Variants in KHDRBS2 observed in about 807,000 individuals in gnomAD.
The protein encoded by KHDRBS2 is KH domain-containing, RNA-binding, signal transduction-associated protein 2.
Under a neutral mutation model 44.3 loss-of-function variants are expected in KHDRBS2, and 26 were observed. The ratio of observed to expected loss-of-function variants is 0.59; its 90% CI spans 0.43 to 0.81. The LOEUF is 0.81. Ranked by LOEUF, KHDRBS2 falls within the 40% of genes least tolerant of loss-of-function variation. The probability of loss-of-function intolerance (pLI) is 0.00; values close to 1 mark genes in which losing one functional copy is unlikely to be tolerated. For synonymous variants in KHDRBS2, 194 were observed against 151.1 expected (o/e 1.28, Z -2.08); for missense variants, 476 against 433.1 (o/e 1.10, Z -0.88).
At chr6:62,124,060 T>C (rs889624093) in intron 2 of KHDRBS2, among the ~76,000 whole-genome samples, 7 of 152,184 alleles carry the variant, frequency 4.6e-5, no homozygotes, top group Non-Finnish European at 8.8e-5. Flanking sequence ...AACTTCAAAA[T>C]TGCTAAATTT....
At chr6:61,785,178 C>CA (rs988815240) in intron 6 of KHDRBS2, among the ~76,000 whole-genome samples, 185 of 148,336 alleles carry the variant, frequency 1.2e-3, no homozygotes, top group African/African-American at 2.7e-3. Context: ...ACAACAACAA[C>CA]AAAAAAAAAC....
rs556948262 is a variant in KHDRBS2, at chr6:62,010,827, A to G, written c.337-32615T>C. Among the ~76,000 whole-genome samples, 4 of 152,264 alleles carry G rather than the reference A, an allele frequency of 2.6e-5. No homozygotes were observed. The South Asian group carries it at 6.2e-4, about 24-fold the overall frequency. On this transcript the variant is annotated intron_variant, in intron 3 of 8. Coordinates refer to ENST00000281156, the MANE Select transcript of KHDRBS2 (RefSeq NM_152688.4). ...TGAAACCTGCTTTTTTAAACTGTTA[A>G]TTACCCAATTCCTATCCAAAATGTT...
intron 6 of KHDRBS2, among the ~76,000 whole-genome samples, chr6:61,875,185 G>T (rs1013744001): frequency 1.3e-5 from 2 of 151,686 alleles, no homozygotes; most frequent in African/African-American, 4.8e-5. Context: ...CGTGGTGGGG[G>T]CAGGGAGGGA....
chr6:61,980,949 C>G (rs114982863), intron 3 of KHDRBS2, among the ~76,000 whole-genome samples: 1 of 152,174 alleles, frequency 6.6e-6, no homozygotes, highest in Non-Finnish European at 1.5e-5. Flanking sequence ...TAAAACCTCA[C>G]GTCAGAGTGA....
intron 2 of KHDRBS2, among the ~76,000 whole-genome samples, chr6:62,129,866 T>A (rs1429340058): frequency 6.6e-6 from 1 of 152,142 alleles, no homozygotes; most frequent in Non-Finnish European, 1.5e-5. Context: ...AAATACCATA[T>A]AATAAAATTG....
chr6:61,871,123 T>C (rs1798596078), intron 6 of KHDRBS2, among the ~76,000 whole-genome samples: 2 of 152,112 alleles, frequency 1.3e-5, no homozygotes, highest in Non-Finnish European at 2.9e-5. Flanking sequence ...AAAGGCTAGA[T>C]GACTTGCTAA....
At chr6:61,962,379 G>A (rs1343195370) in intron 4 of KHDRBS2, among the ~76,000 whole-genome samples, 1 of 152,026 alleles carries the variant, frequency 6.6e-6, no homozygotes. Flanking sequence ...TCTAACACAC[G>A]AACAAAATAG....
chr6:62,047,355 C>A (rs1012331704), intron 3 of KHDRBS2, among the ~76,000 whole-genome samples: 3 of 151,924 alleles, frequency 2.0e-5, no homozygotes, highest in African/African-American at 7.2e-5. Context: ...TCTTATTGTT[C>A]TTTTGGGGGT....
At chr6:62,094,982 A>G (rs1800264249) in intron 2 of KHDRBS2, among the ~76,000 whole-genome samples, 1 of 151,854 alleles carries the variant, frequency 6.6e-6, no homozygotes, top group Non-Finnish European at 1.5e-5. Flanking sequence ...ACGTTTCACA[A>G]TAAGGTAGTG....
At chr6:61,690,658 G>T (rs1767299001) in intron 8 of KHDRBS2, among the ~76,000 whole-genome samples, 1 of 151,890 alleles carries the variant, frequency 6.6e-6, no homozygotes. Context: ...TTATAAAGTG[G>T]ACTTAAAATA....
chr6:62,072,317 A>T (rs1489733942), intron 2 of KHDRBS2, among the ~76,000 whole-genome samples: 1 of 152,108 alleles, frequency 6.6e-6, no homozygotes, highest in Admixed American at 6.6e-5. Flanking sequence ...TCTTTTCTTA[A>T]TTGAATATCC....
intron 2 of KHDRBS2, among the ~76,000 whole-genome samples, chr6:62,078,542 C>A (rs1429499913): frequency 6.6e-6 from 1 of 151,776 alleles, no homozygotes; most frequent in Non-Finnish European, 1.5e-5. Context: ...GATTACTTGA[C>A]TTCTAAGAGA....
chr6:61,953,533 T>C (rs1765219888), intron 4 of KHDRBS2, among the ~76,000 whole-genome samples: 1 of 152,104 alleles, frequency 6.6e-6, no homozygotes, highest in Non-Finnish European at 1.5e-5. Context: ...TTTATATTGC[T>C]AGCATTTTGA....
At chr6:62,046,288 C>T (rs1255828016) in intron 3 of KHDRBS2, among the ~76,000 whole-genome samples, 1 of 151,666 alleles carries the variant, frequency 6.6e-6, no homozygotes, top group East Asian at 1.9e-4. Flanking sequence ...AAAAAATGTC[C>T]AAATATATGA....
chr6:61,545,039 C>A, the KHDRBS2 span, among the ~76,000 whole-genome samples: 2 of 151,846 alleles, frequency 1.3e-5, no homozygotes, highest in South Asian at 2.1e-4. Flanking sequence ...ATATAACAAA[C>A]CTGCACGTTG....
the KHDRBS2 span, among the ~76,000 whole-genome samples, chr6:61,637,992 AC>A: frequency 6.6e-6 from 1 of 151,776 alleles, no homozygotes; most frequent in African/African-American, 2.4e-5. Flanking sequence ...TTGCCTGTTC[AC>A]TCTGATGGTA....
At chr6:61,878,045 A>C (rs2127313064) in intron 6 of KHDRBS2, among the ~76,000 whole-genome samples, 1 of 152,054 alleles carries the variant, frequency 6.6e-6, no homozygotes, top group South Asian at 2.1e-4. Context: ...AAATTTTGGA[A>C]TTATTTCCAG....
chr6:61,808,835 C>A (rs1006188995), intron 6 of KHDRBS2, among the ~76,000 whole-genome samples: 1 of 151,228 alleles, frequency 6.6e-6, no homozygotes, highest in Admixed American at 6.6e-5. Flanking sequence ...TTCAAATTTT[C>A]TTTTTTTCTT....
downstream of KHDRBS2, among the ~76,000 whole-genome samples, chr6:61,679,270 A>G (rs558471531): frequency 6.6e-6 from 1 of 152,012 alleles, no homozygotes; most frequent in East Asian, 2.0e-4. Context: ...AGTTAGCAAG[A>G]GTTGCATTAC....
Sources: allele counts gnomAD v4.1 joint callset (sites outside exome capture counted in the v4.1 genomes callset), GRCh38; gene constraint gnomAD v4.1.1; transcripts MANE v1.5; gene names NCBI Gene and HGNC (gene_info 2026-07-23, HGNC 2026-07-21).